Variants in DOCK4 observed in about 807,000 individuals in gnomAD.
DOCK4 encodes the protein dedicator of cytokinesis protein 4.
Under a neutral mutation model 268.1 loss-of-function variants are expected in DOCK4, and 97 were observed. The ratio of observed to expected loss-of-function variants is 0.36; its 90% CI spans 0.31 to 0.43. DOCK4 has a LOEUF of 0.43. DOCK4 is among the 20% of genes least tolerant of loss of function. The pLI is 1.00. For missense variants in DOCK4, 2,145 were observed against 2,455.7 expected (o/e 0.87, Z 2.67); for synonymous variants, 954 against 887.2 (o/e 1.08, Z -1.34).
At chr7:112,150,397 C>T (rs1018631922) in intron 1 of DOCK4, among the ~76,000 whole-genome samples, 2 of 152,170 alleles carry the variant, frequency 1.3e-5, no homozygotes, top group Non-Finnish European at 2.9e-5. Context: ...CAACATGCCG[C>T]TCCAAGCTCT....
intron 8 of DOCK4, among the ~76,000 whole-genome samples, chr7:111,960,148 G>A (rs1345315782): frequency 4.6e-5 from 7 of 151,832 alleles, no homozygotes; most frequent in African/African-American, 9.7e-5. Context: ...GGAGGATCAC[G>A]AGGTCAGGAG....
chr7:112,051,306 A>G (rs1738854500), intron 1 of DOCK4, among the ~76,000 whole-genome samples: 1 of 152,132 alleles, frequency 6.6e-6, no homozygotes, highest in Non-Finnish European at 1.5e-5. Flanking sequence ...AGGATGAGGT[A>G]GGACACTTCA....
In DOCK4 at chr7:111,917,102, C is replaced by T. The variant is rs952393806; in HGVS notation, c.1067-1198G>A. 2.0e-4 allele frequency among the ~76,000 whole-genome samples: 30 copies of T among 150,896 alleles called. 1 individual carries two copies. Among genetic ancestry groups the T allele is most frequent in the Admixed American group, 1.8e-3 (27 of 15,106 alleles). ...TCCCGGGTTCAAGCAATTCTCCTGC[C>T]TCAGCCTCCTGAGTAGCTGGGACTA... On this transcript the variant is annotated intron_variant, in intron 12 of 52. Transcript: ENST00000428084.
intron 4 of DOCK4, among the ~76,000 whole-genome samples, chr7:111,997,924 A>T (rs1439220682): frequency 6.6e-6 from 1 of 152,204 alleles, no homozygotes; most frequent in Non-Finnish European, 1.5e-5. Context: ...TTTTTAATGT[A>T]TTAGAAATAC....
rs751631282 is a variant in DOCK4 at position 112,066,690 on chromosome 7, CATATATATATATATATATATATATAT to C, written c.38-62585_38-62560del. Among the ~76,000 whole-genome samples the C allele has an allele frequency of 3.9e-3, 82 of 21,000 alleles. 1 individual carries two copies. The highest frequency in any genetic ancestry group is 4.4e-3 in the South Asian group (3 of 682). 13.8% of individuals were successfully genotyped at this position (21,000 alleles called of 152,430 possible). A position where few individuals can be genotyped will look rare whatever the true frequency, so the allele number is the denominator to read the frequency against. On this transcript the variant is annotated intron_variant, in intron 1 of 52. Coordinates refer to ENST00000428084, the MANE Select transcript of DOCK4 (RefSeq NM_001363540.2). ...ATATACATATACATATATACATATA[CATATATATATATATATATATATATAT>C]ATATATATATATATATATATATATA...
intron 1 of DOCK4, among the ~76,000 whole-genome samples, chr7:112,185,233 C>T (rs1819402322): frequency 6.6e-6 from 1 of 152,188 alleles, no homozygotes; most frequent in African/African-American, 2.4e-5. Flanking sequence ...AAGCTGGTGA[C>T]TGCCTGGCAG....
At chr7:112,005,174 C>T (rs1006326134) in intron 1 of DOCK4, among the ~76,000 whole-genome samples, 27 of 152,160 alleles carry the variant, frequency 1.8e-4, no homozygotes, top group Non-Finnish European at 2.8e-4. Context: ...TATAATTTTG[C>T]TTCAGAGTGA....
rs200826912 is a variant in DOCK4, at chr7:111,867,798, TCTGCTCAG to T, written c.2280+178_2280+185del. The stretch of plus-strand genomic sequence containing the variant: ...AGAGAGAAGGGAAAGGCAACCCACT[TCTGCTCAG>T]CTGGTACACAGAAGGTAGGGGAATT... On this transcript the variant is annotated intron_variant, in intron 22 of 52. Coordinates refer to ENST00000428084, the MANE Select transcript of DOCK4 (RefSeq NM_001363540.2). 2.8e-3 allele frequency among the ~76,000 whole-genome samples: 423 copies of T among 152,316 alleles called. 4 individuals are homozygous for T. The highest frequency in any genetic ancestry group is 0.021 in the South Asian group (100 of 4,830).
intron 25 of DOCK4, among the ~76,000 whole-genome samples, chr7:111,841,368 G>T (rs1302847522): frequency 6.6e-6 from 1 of 151,890 alleles, no homozygotes; most frequent in South Asian, 2.1e-4. Flanking sequence ...CAAGATGTTG[G>T]CCAGGCTGGT....
intron 13 of DOCK4, among the ~76,000 whole-genome samples, chr7:111,906,541 C>G (rs1313428011): frequency 6.6e-6 from 1 of 152,104 alleles, no homozygotes; most frequent in African/African-American, 2.4e-5. Context: ...GGCTGGGTGG[C>G]CCCTCATGTG....
At chr7:111,861,814 C>G (rs997777574) in intron 23 of DOCK4, among the ~76,000 whole-genome samples, 3 of 149,296 alleles carry the variant, frequency 2.0e-5, no homozygotes, top group Admixed American at 6.7e-5. Context: ...ATACAATGTA[C>G]TGTTATCATT....
chr7:111,751,682 T>A (rs143165733), intron 42 of DOCK4, among the ~76,000 whole-genome samples: 8,120 of 152,294 alleles, frequency 0.053, 271 homozygotes, highest in African/African-American at 0.075. Context: ...TGACCTCAAG[T>A]GATCTGCCTG....
chr7:111,810,252 G>T (rs1480746675), intron 28 of DOCK4, among the ~76,000 whole-genome samples: 5 of 151,940 alleles, frequency 3.3e-5, no homozygotes, highest in Admixed American at 3.3e-4. Flanking sequence ...AGGAGTTCGA[G>T]ACCAGCCTGG....
At chr7:112,055,997 G>A (rs760358032) in intron 1 of DOCK4, among the ~76,000 whole-genome samples, 2 of 151,966 alleles carry the variant, frequency 1.3e-5, no homozygotes, top group African/African-American at 2.4e-5. Context: ...CAAAGGGCTA[G>A]CAAAGGAGAA....
chr7:112,044,451 G>T (rs1014260971), intron 1 of DOCK4, among the ~76,000 whole-genome samples: 1 of 152,058 alleles, frequency 6.6e-6, no homozygotes, highest in Non-Finnish European at 1.5e-5. Flanking sequence ...TTTTTATCTA[G>T]CACTCATCAA....
chr7:111,828,622 A>C (rs183183502), intron 26 of DOCK4, among the ~76,000 whole-genome samples: 8 of 152,126 alleles, frequency 5.3e-5, no homozygotes, highest in African/African-American at 1.4e-4. Flanking sequence ...AAATGTGTAC[A>C]TCCTATGACC....
chr7:112,200,669 A>G (rs1201015249), intron 1 of DOCK4, among the ~76,000 whole-genome samples: 1 of 141,522 alleles, frequency 7.1e-6, no homozygotes, highest in East Asian at 2.3e-4. Flanking sequence ...GAAATCCTAA[A>G]TTTCTTGAAA....
intron 1 of DOCK4, among the ~76,000 whole-genome samples, chr7:112,149,331 GA>G (rs928507350): frequency 2.6e-5 from 4 of 151,888 alleles, no homozygotes; most frequent in African/African-American, 9.7e-5. Context: ...CTCTAAGGAA[GA>G]AAAAAATGCA....
intron 20 of DOCK4, among the ~76,000 whole-genome samples, chr7:111,870,067 G>A (rs761642574): frequency 6.6e-6 from 1 of 152,112 alleles, no homozygotes; most frequent in Admixed American, 6.5e-5. Context: ...AGGCAAAACG[G>A]GGTGGGAAGG....
Sources: allele counts gnomAD v4.1 joint callset (sites outside exome capture counted in the v4.1 genomes callset), GRCh38; gene constraint gnomAD v4.1.1; transcripts MANE v1.5; gene names NCBI Gene and HGNC (gene_info 2026-07-23, HGNC 2026-07-21).